The following RASSF8 variants were observed in gnomAD, a reference collection of about 807,000 sequenced individuals.
RASSF8 encodes the protein ras association domain-containing protein 8.
Under a neutral mutation model 48.5 loss-of-function variants are expected in RASSF8, and 22 were observed. The ratio of observed to expected loss-of-function variants is 0.45; its 90% CI spans 0.32 to 0.65. The LOEUF is 0.65. Among genes scored for constraint, RASSF8 ranks in the 30% least tolerant of loss-of-function variants. The pLI is 0.03. For missense variants in RASSF8, 418 were observed against 489.2 expected, an observed-to-expected ratio of 0.85 and a Z score of 1.37; for synonymous variants, 127 against 171.5, an observed-to-expected ratio of 0.74 and a Z score of 2.03.
Position 26,015,201 on chromosome 12 carries a change from C to T in RASSF8, c.-109+20071C>T, listed in dbSNP as rs562226553. On this transcript the variant is annotated intron_variant, in intron 2 of 5. Coordinates refer to ENST00000689635, the MANE Select transcript of RASSF8 (RefSeq NM_001394098.1). ...CAGCCTGGGTGACAGAATGAGATCCCGTCTCAAAAAAAAAAAAAAATCCAT... is the reference window on the plus strand; with the variant it reads ...CAGCCTGGGTGACAGAATGAGATCCTGTCTCAAAAAAAAAAAAAAATCCAT... 1.1e-3 allele frequency among the ~76,000 whole-genome samples: 150 copies of T among 133,570 alleles called. 5 individuals carry two copies. Among genetic ancestry groups the T allele is most frequent in the Admixed American group, 0.011 (148 of 13,770 alleles). 87.6% of individuals were successfully genotyped at this position (133,570 alleles called of 152,430 possible).
At chr12:26,048,126 G>A (rs982895456) in intron 2 of RASSF8, among the ~76,000 whole-genome samples, 3 of 152,224 alleles carry the variant, frequency 2.0e-5, no homozygotes, top group African/African-American at 4.8e-5. Flanking sequence ...GGGCAATTGA[G>A]CCGGGTTGAC....
chr12:26,003,158 C>T (rs1421313117), intron 2 of RASSF8, among the ~76,000 whole-genome samples: 2 of 152,224 alleles, frequency 1.3e-5, no homozygotes, highest in Admixed American at 6.5e-5. Context: ...GTGTTTTTAT[C>T]ATGAAGGGAT....
At chr12:26,066,627 C>CT (rs1943881159) in intron 4 of RASSF8, among the ~76,000 whole-genome samples, 1 of 152,280 alleles carries the variant, frequency 6.6e-6, no homozygotes, top group Admixed American at 6.5e-5. Flanking sequence ...ACAGAAAACA[C>CT]TAACTTATCA....
intron 2 of RASSF8, among the ~76,000 whole-genome samples, chr12:26,006,150 G>C (rs1942385586): frequency 6.6e-6 from 1 of 152,188 alleles, no homozygotes; most frequent in African/African-American, 2.4e-5. Context: ...GGGCAGCCTT[G>C]ATTTCTTCCT....
chr12:26,055,330 C>A lies in RASSF8; in HGVS notation c.-14C>A. On this transcript the variant is annotated 5_prime_UTR_variant, in exon 3 of 6. It adds an upstream start codon to the 5' untranslated region. Transcript: ENST00000689635. ...GACCACTCTCAGGGACCTTGAGTGA[C>A]TGGCCGGTGCACCATGGAACTTAAA... 1 of 1,610,146 alleles carries A rather than the reference C, an allele frequency of 6.2e-7. No homozygotes were observed. Among genetic ancestry groups the A allele is most frequent in the South Asian group, 1.1e-5 (1 of 91,006 alleles).
downstream of RASSF8, among the ~76,000 whole-genome samples, chr12:26,073,766 C>A (rs565360066): frequency 1.5e-5 from 2 of 136,982 alleles, no homozygotes; most frequent in East Asian, 4.1e-4. Context: ...CACACACACA[C>A]ACACACACAC....
chr12:26,063,927 T>G (rs1943805085), intron 3 of RASSF8, among the ~76,000 whole-genome samples: 1 of 152,012 alleles, frequency 6.6e-6, no homozygotes, highest in Admixed American at 6.6e-5. Context: ...AGCACTCAGG[T>G]GGAGATGGAG....
intron 2 of RASSF8, among the ~76,000 whole-genome samples, chr12:26,028,721 G>C (rs772372167): frequency 6.6e-6 from 1 of 152,040 alleles, no homozygotes; most frequent in South Asian, 2.1e-4. Flanking sequence ...GAGGAAGAGT[G>C]TACTGGGTAT....
At chr12:26,023,864 TG>T (rs1448703139) in intron 2 of RASSF8, among the ~76,000 whole-genome samples, 9 of 152,106 alleles carry the variant, frequency 5.9e-5, no homozygotes. Flanking sequence ...AGATGATAGG[TG>T]ATGCAAAGAT....
chr12:26,045,721 G>C (rs945659478), intron 2 of RASSF8, among the ~76,000 whole-genome samples: 2 of 152,002 alleles, frequency 1.3e-5, no homozygotes, highest in Non-Finnish European at 2.9e-5. Flanking sequence ...TAGTCATCTT[G>C]GTTTCATGGA....
chr12:26,051,357 T>A (rs1943486234), intron 2 of RASSF8, among the ~76,000 whole-genome samples: 1 of 152,222 alleles, frequency 6.6e-6, no homozygotes, highest in Admixed American at 6.5e-5. Context: ...TAATGAATAG[T>A]AGAAGAAAGA....
At chr12:26,035,144 T>G (rs1014836274) in intron 2 of RASSF8, among the ~76,000 whole-genome samples, 3 of 152,052 alleles carry the variant, frequency 2.0e-5, no homozygotes, top group African/African-American at 7.2e-5. Context: ...ACTAAGGCAC[T>G]GACCCCTACT....
At chr12:26,027,723 T>C (rs1942946049) in intron 2 of RASSF8, among the ~76,000 whole-genome samples, 1 of 152,186 alleles carries the variant, frequency 6.6e-6, no homozygotes, top group Non-Finnish European at 1.5e-5. Flanking sequence ...TAAGCACCTA[T>C]TATGTGTTAG....
At chr12:26,044,734 A>T (rs1306824412) in intron 2 of RASSF8, among the ~76,000 whole-genome samples, 2 of 152,318 alleles carry the variant, frequency 1.3e-5, no homozygotes, top group South Asian at 2.1e-4. Flanking sequence ...TTCACAATGC[A>T]CATCTTAAAC....
chr12:25,972,094 A>G (rs1941498852), intron 1 of RASSF8, among the ~76,000 whole-genome samples: 1 of 152,234 alleles, frequency 6.6e-6, no homozygotes, highest in South Asian at 2.1e-4. Context: ...AACTGCCGGT[A>G]GACACTAAGT....
chr12:26,048,135 A>G (rs576840015), intron 2 of RASSF8, among the ~76,000 whole-genome samples: 2 of 152,312 alleles, frequency 1.3e-5, no homozygotes, highest in South Asian at 4.1e-4. Flanking sequence ...AGCCGGGTTG[A>G]CTTATATTTA....
At chr12:26,040,891 G>GTTTT (rs113609672) in intron 2 of RASSF8, among the ~76,000 whole-genome samples, 1 of 141,882 alleles carries the variant, frequency 7.0e-6, no homozygotes, top group Non-Finnish European at 1.5e-5. Flanking sequence ...ATTATACATA[G>GTTTT]TTTTTTTTTT....
At chr12:26,060,881 T>A (rs1254099472) in intron 3 of RASSF8, among the ~76,000 whole-genome samples, 1 of 152,212 alleles carries the variant, frequency 6.6e-6, no homozygotes, top group Admixed American at 6.5e-5. Context: ...ATGTTAGCAT[T>A]AAATTCATAA....
At chr12:26,041,892 T>G (rs1424532867) in intron 2 of RASSF8, among the ~76,000 whole-genome samples, 2 of 152,204 alleles carry the variant, frequency 1.3e-5, no homozygotes, top group African/African-American at 2.4e-5. Context: ...TTTCAAATTT[T>G]GCTGGATAGC....
Sources: allele counts gnomAD v4.1 joint callset (sites outside exome capture counted in the v4.1 genomes callset), GRCh38; gene constraint gnomAD v4.1.1; transcripts MANE v1.5; gene names NCBI Gene and HGNC (gene_info 2026-07-23, HGNC 2026-07-21).